LAMA4: variants seen among roughly 807,000 people sequenced by gnomAD.
LAMA4 encodes laminin subunit alpha-4.
In LAMA4, 127 loss-of-function variants were observed where a neutral mutation model predicts 207.1. The observed-to-expected ratio is 0.61, with a 90% confidence interval of 0.53 to 0.71. LAMA4 has a LOEUF of 0.71. Among genes scored for constraint, LAMA4 ranks in the 30% least tolerant of loss-of-function variants. LAMA4 has a pLI of 0.00. For synonymous variants in LAMA4, 761 were observed against 816.0 expected (o/e 0.93, Z 1.15); for missense variants, 2,093 against 2,246.5 (o/e 0.93, Z 1.38).
In LAMA4 at chr6:112,162,965, CTT is replaced by C. The variant is rs34824903; in HGVS notation, c.1668+2193_1668+2194del. 9.2e-3 allele frequency among the ~76,000 whole-genome samples: 840 copies of C among 91,238 alleles called. 6 individuals are homozygous for C. Among genetic ancestry groups the C allele is most frequent in the African/African-American group, 0.035 (757 of 21,784 alleles). The allele number at this position is 91,238 out of a possible 152,430, so 59.9% of individuals were successfully genotyped here. On this transcript the variant is annotated intron_variant, in intron 13 of 38. Transcript: ENST00000230538. ...GCCCAGTGTCAAGTGCAGCTCAAAT[CTT>C]TTTTTTTTTTTTTTTTTTTTTTGAG...
chr6:112,251,059 A>G (rs1787413880), intron 2 of LAMA4, among the ~76,000 whole-genome samples: 2 of 152,236 alleles, frequency 1.3e-5, no homozygotes, highest in Admixed American at 1.3e-4. Flanking sequence ...TGTTCTCACC[A>G]TAAACTCAGC....
intron 31 of LAMA4, among the ~76,000 whole-genome samples, chr6:112,128,322 A>G (rs1778818100): frequency 6.6e-6 from 1 of 152,142 alleles, no homozygotes; most frequent in African/African-American, 2.4e-5. Context: ...TGTTAAGTGA[A>G]ATAAGGCAGG....
intron 6 of LAMA4, 121 bp downstream of exon 6, chr6:112,191,515 C>T (rs1783118687): frequency 2.7e-6 from 2 of 750,116 alleles, no homozygotes; most frequent in Non-Finnish European, 2.3e-6. Flanking sequence ...TGTACATTGC[C>T]CTGGGAAAGT....
chr6:112,248,234 C>T (rs1787144326), intron 2 of LAMA4, among the ~76,000 whole-genome samples: 1 of 152,198 alleles, frequency 6.6e-6, no homozygotes. Context: ...GGTGCAGTGG[C>T]TCATGCCTGT....
intron 11 of LAMA4, among the ~76,000 whole-genome samples, chr6:112,174,053 T>G (rs114307187): frequency 0.017 from 2,560 of 152,352 alleles, 70 homozygotes; most frequent in African/African-American, 0.057. Flanking sequence ...TCATGAGATA[T>G]CAGCAGCAGC....
intron 2 of LAMA4, among the ~76,000 whole-genome samples, chr6:112,233,106 C>T (rs538091271): frequency 6.6e-6 from 1 of 152,180 alleles, no homozygotes; most frequent in African/African-American, 2.4e-5. Context: ...ACTCGCAGCA[C>T]GGAGCTCCTG....
rs144074091 is a variant in LAMA4, at chr6:112,216,566, C to G, written c.196-97G>C. On this transcript the variant is annotated intron_variant, in intron 2 of 38. Coordinates refer to ENST00000230538, the MANE Select transcript of LAMA4 (RefSeq NM_001105206.3). ...TCAGAGAAAGTGATTATTAAACAAT[C>G]TAAACATTTCTAAAATGAATATACT... 23 of 783,430 alleles carry G rather than the reference C, an allele frequency of 2.9e-5. No individual in the cohort carries two copies. In the African/African-American group the frequency reaches 3.1e-4, roughly 10 times the overall value. The allele number at this position is 783,430 out of a possible 1,614,324, so 48.5% of individuals were successfully genotyped here. A position where few individuals can be genotyped will look rare whatever the true frequency, so the allele number is the denominator to read the frequency against.
At chr6:112,214,031 G>C in intron 3 of LAMA4, 1 of 762,662 alleles carries the variant, frequency 1.3e-6, no homozygotes, top group Non-Finnish European at 2.4e-6. Flanking sequence ...ATGAACGATA[G>C]GGCAGAAGCT....
intron 2 of LAMA4, among the ~76,000 whole-genome samples, chr6:112,246,759 A>T (rs895222283): frequency 1.3e-5 from 2 of 152,106 alleles, no homozygotes; most frequent in African/African-American, 2.4e-5. Flanking sequence ...TGACTTTGTG[A>T]TCCACCCATC....
chr6:112,163,770 C>CT (rs1781224553), intron 13 of LAMA4, among the ~76,000 whole-genome samples: 1 of 151,992 alleles, frequency 6.6e-6, no homozygotes, highest in Admixed American at 6.6e-5. Context: ...TTTTACAGGG[C>CT]TTTTTTCTTT....
At chr6:112,137,065 T>C (rs539422843) in intron 24 of LAMA4, among the ~76,000 whole-genome samples, 126 of 152,354 alleles carry the variant, frequency 8.3e-4, no homozygotes, top group African/African-American at 2.9e-3. Context: ...ATTGCTGTAT[T>C]GTTTTGAAAC....
At chr6:112,196,475 C>G (rs1161257488) in intron 5 of LAMA4, 2 of 152,148 alleles carry the variant, frequency 1.3e-5, no homozygotes, top group African/African-American at 4.8e-5. Context: ...TGCACATCAC[C>G]CTTGCACAGA....
chr6:112,122,352 T>C (rs1012402346), intron 31 of LAMA4, 151 bp from the exon 32 acceptor site: 1 of 634,158 alleles, frequency 1.6e-6, no homozygotes, highest in African/African-American at 1.8e-5. Context: ...CTTTCCTACC[T>C]CTAGCCCCAT....
intron 17 of LAMA4, 21 bp downstream of exon 17, chr6:112,150,490 T>A (rs1562665244): frequency 1.4e-6 from 2 of 1,460,916 alleles, no homozygotes; most frequent in Non-Finnish European, 1.9e-6. Context: ...AGATGAGACT[T>A]CAATTCTCTC....
At chr6:112,127,416 A>G (rs770160984) in intron 31 of LAMA4, among the ~76,000 whole-genome samples, 2 of 151,800 alleles carry the variant, frequency 1.3e-5, no homozygotes, top group Non-Finnish European at 2.9e-5. Flanking sequence ...GATACTTGGG[A>G]GAAGTGTGAT....
intron 2 of LAMA4, among the ~76,000 whole-genome samples, chr6:112,220,160 T>C (rs540886056): frequency 6.6e-6 from 1 of 152,180 alleles, no homozygotes; most frequent in Non-Finnish European, 1.5e-5. Context: ...ATATTGACTT[T>C]TAAAAATATT....
At chr6:112,213,171 C>T (rs1554357351) in intron 3 of LAMA4, among the ~76,000 whole-genome samples, 1 of 152,186 alleles carries the variant, frequency 6.6e-6, no homozygotes, top group East Asian at 1.9e-4. Flanking sequence ...TCAGGTTTGT[C>T]CCATTCTAGT....
chr6:112,196,399 T>A (rs1204469802), intron 5 of LAMA4: 1 of 151,930 alleles, frequency 6.6e-6, no homozygotes, highest in Non-Finnish European at 1.5e-5. Flanking sequence ...ATGAGCTCAA[T>A]TTTTTTTAGC....
intron 2 of LAMA4, among the ~76,000 whole-genome samples, chr6:112,221,379 G>T (rs1197603430): frequency 2.0e-5 from 3 of 152,102 alleles, no homozygotes; most frequent in Non-Finnish European, 4.4e-5. Context: ...TTCTGAATTA[G>T]ACTTAGAATT....
Sources: allele counts gnomAD v4.1 joint callset (sites outside exome capture counted in the v4.1 genomes callset), GRCh38; gene constraint gnomAD v4.1.1; transcripts MANE v1.5; gene names NCBI Gene and HGNC (gene_info 2026-07-23, HGNC 2026-07-21).